Variants in OPHN1 observed in about 807,000 individuals in gnomAD.
The protein encoded by OPHN1 is oligophrenin 1.
In OPHN1, 11 loss-of-function variants were observed where a neutral mutation model predicts 60.7. The observed-to-expected ratio is 0.18, with a 90% CI of 0.11 to 0.30. The LOEUF (loss-of-function observed/expected upper bound fraction) is 0.30. OPHN1 is among the 10% of genes least tolerant of loss of function. The pLI, the probability that OPHN1 is intolerant of heterozygous loss-of-function variation, is 1.00. For missense variants in OPHN1, 449 were observed against 611.0 expected, an observed-to-expected ratio of 0.73 and a Z score of 2.80; for synonymous variants, 226 against 222.6, an observed-to-expected ratio of 1.02 and a Z score of -0.14.
In OPHN1 at chrX:68,245,940, A is replaced by G. The variant is rs141045541; in HGVS notation, c.385-11352T>C. Among the ~76,000 whole-genome samples, 102 of 111,596 alleles carry G rather than the reference A, an allele frequency of 9.1e-4. 1 individual carries two copies. In the East Asian group the frequency reaches 0.027, roughly 29 times the overall value. ...TGCCTCAGCCTCCCGAGTAGCTGGA[A>G]TTACAGGTGCAATGCCACCAGGCCT... On this transcript the variant is annotated intron_variant, in intron 5 of 24. Transcript: ENST00000355520.
intron 8 of OPHN1, 118 bp from the exon 9 acceptor site, chrX:68,210,400 C>A: frequency 1.8e-5 from 13 of 709,097 alleles, no homozygotes; most frequent in Admixed American, 1.6e-4. Flanking sequence ...AACCACAAAG[C>A]AAAAAAAGAA....
At chrX:68,244,255 C>T (rs1310451772) in intron 5 of OPHN1, among the ~76,000 whole-genome samples, 1 of 112,440 alleles carries the variant, frequency 8.9e-6, no homozygotes, top group Non-Finnish European at 1.9e-5. Context: ...TGAAGTGTCA[C>T]ATTTTCAGAG....
chrX:68,374,231 A>G (rs1380573286), intron 2 of OPHN1, among the ~76,000 whole-genome samples: 2 of 109,105 alleles, frequency 1.8e-5, no homozygotes, highest in African/African-American at 6.7e-5. Flanking sequence ...TGCCGCACGC[A>G]TGTAGTCCCA....
intron 15 of OPHN1, among the ~76,000 whole-genome samples, chrX:68,179,418 A>C (rs781071939): frequency 8.9e-6 from 1 of 112,166 alleles, no homozygotes; most frequent in South Asian, 3.7e-4. Flanking sequence ...AATATAAAAC[A>C]TTTATATTAT....
At chrX:68,382,350 AAAAAT>A (rs773785173) in intron 2 of OPHN1, among the ~76,000 whole-genome samples, 3 of 110,575 alleles carry the variant, frequency 2.7e-5, no homozygotes, top group Non-Finnish European at 5.7e-5. Context: ...CTGTCTTAAA[AAAAAT>A]AAAATAAAAT....
chrX:68,284,748 T>C (rs908603675), intron 3 of OPHN1, among the ~76,000 whole-genome samples: 2 of 111,574 alleles, frequency 1.8e-5, no homozygotes, highest in African/African-American at 6.5e-5. Flanking sequence ...TATTTTCTAT[T>C]TCCATGAACT....
At chrX:68,329,540 T>C (rs1486763557) in intron 2 of OPHN1, among the ~76,000 whole-genome samples, 2 of 112,428 alleles carry the variant, frequency 1.8e-5, no homozygotes, top group Admixed American at 9.5e-5. Flanking sequence ...CTTCCTTTTC[T>C]TAGAGCATTT....
chrX:68,055,037 C>T (rs1726272887), intron 21 of OPHN1, among the ~76,000 whole-genome samples: 1 of 111,996 alleles, frequency 8.9e-6, no homozygotes, highest in African/African-American at 3.2e-5. Flanking sequence ...AGTTTAAACT[C>T]CTTCACAGAA....
chrX:68,277,461 AATAG>A (rs1377235126), intron 4 of OPHN1, among the ~76,000 whole-genome samples: 1 of 112,092 alleles, frequency 8.9e-6, no homozygotes, highest in African/African-American at 3.2e-5. Flanking sequence ...GTTATGAAGC[AATAG>A]ATAATTAGAA....
At chrX:68,364,180 T>A (rs1387184102) in intron 2 of OPHN1, among the ~76,000 whole-genome samples, 4 of 111,955 alleles carry the variant, frequency 3.6e-5, no homozygotes, top group Admixed American at 9.6e-5. Context: ...CCTCTTGACA[T>A]GTCAACAGTG....
intron 2 of OPHN1, among the ~76,000 whole-genome samples, chrX:68,380,634 T>C (rs2078591227): frequency 9.0e-6 from 1 of 111,450 alleles, no homozygotes; most frequent in African/African-American, 3.3e-5. Context: ...GTTGTGTCTT[T>C]GTTCTCATTG....
chrX:68,243,880 A>C (rs940552740), intron 5 of OPHN1, among the ~76,000 whole-genome samples: 1 of 112,414 alleles, frequency 8.9e-6, no homozygotes, highest in Non-Finnish European at 1.9e-5. Context: ...GTGAAGACTG[A>C]TGAAATATAT....
At chrX:68,134,129 C>G (rs775326231) in intron 15 of OPHN1, among the ~76,000 whole-genome samples, 1 of 109,801 alleles carries the variant, frequency 9.1e-6, no homozygotes, top group Non-Finnish European at 1.9e-5. Context: ...GAGCCAAGAT[C>G]GCGCCATTGT....
chrX:68,097,492 G>A (rs1245016325), intron 18 of OPHN1, among the ~76,000 whole-genome samples: 1 of 111,122 alleles, frequency 9.0e-6, no homozygotes, highest in African/African-American at 3.3e-5. Context: ...AGCTGAAAGG[G>A]ATCATTAAGA....
chrX:68,389,549 A>T lies in OPHN1; in HGVS notation c.154+43318T>A, dbSNP rs767430574. Among the ~76,000 whole-genome samples the T allele has an allele frequency of 5.2e-3, 519 of 99,982 alleles. 6 individuals are homozygous for T. The highest frequency in any genetic ancestry group is 0.018 in the African/African-American group (502 of 27,927). 86.8% of individuals were successfully genotyped at this position (99,982 alleles called of 115,157 possible). A position where few individuals can be genotyped will look rare whatever the true frequency, so the allele number is the denominator to read the frequency against. On this transcript the variant is annotated intron_variant, in intron 2 of 24. Coordinates refer to ENST00000355520, the MANE Select transcript of OPHN1 (RefSeq NM_002547.3). ...GCCACTGCACTCCAGCCTGGGCAAC[A>T]GAGCAAGACTCCCTCTCAAAAATAA...
chrX:68,392,851 C>G (rs746447372), intron 2 of OPHN1, among the ~76,000 whole-genome samples: 42 of 109,765 alleles, frequency 3.8e-4, no homozygotes, highest in Non-Finnish European at 7.4e-4. Flanking sequence ...TCGATCCCCC[C>G]TTCCAGCTCC....
chrX:68,238,413 T>G (rs1369456356), intron 5 of OPHN1, among the ~76,000 whole-genome samples: 1 of 110,183 alleles, frequency 9.1e-6, no homozygotes, highest in Non-Finnish European at 1.9e-5. Flanking sequence ...TTTGTCTTTT[T>G]TTTTTTAAGG....
At chrX:68,259,253 C>T (rs923097932) in intron 5 of OPHN1, among the ~76,000 whole-genome samples, 3 of 111,050 alleles carry the variant, frequency 2.7e-5, no homozygotes, top group East Asian at 2.8e-4. Context: ...GAGTTCGAGA[C>T]CAGTCTGGGC....
At chrX:68,419,101 G>A (rs753041558) in intron 2 of OPHN1, among the ~76,000 whole-genome samples, 3 of 110,086 alleles carry the variant, frequency 2.7e-5, no homozygotes, top group Non-Finnish European at 5.7e-5. Flanking sequence ...TCCGCCTCCC[G>A]GGTTCAAGCG....
Sources: gnomAD v4.1 joint callset for allele counts (sites outside exome capture counted in the v4.1 genomes callset) on GRCh38, gnomAD v4.1.1 for gene constraint, MANE v1.5 for transcripts, NCBI Gene and HGNC (gene_info 2026-07-23, HGNC 2026-07-21) for gene names.